CAPN15: variants seen among roughly 807,000 people sequenced by gnomAD.
CAPN15 encodes calpain-15.
CAPN15 carries 53 observed loss-of-function variants against 97.9 expected under a neutral mutation model. The ratio of observed to expected loss-of-function variants is 0.54; its 90% CI spans 0.43 to 0.68. The LOEUF is 0.68. Among genes scored for constraint, CAPN15 ranks in the 30% least tolerant of loss-of-function variants. The pLI is 0.00. For synonymous variants in CAPN15, 922 were observed against 722.5 expected (o/e 1.28, Z -4.43); for missense variants, 1,592 against 1,589.8 (o/e 1.00, Z -0.02).
At chr16:550,880 TGTCGGTGAGGTCCCTG>T (rs2034983423) in intron 7 of CAPN15, among the ~76,000 whole-genome samples, 3 of 56,364 alleles carry the variant, frequency 5.3e-5, no homozygotes, top group African/African-American at 9.3e-5. Flanking sequence ...GAGGGTCCCC[TGTCGGTGAGGTCCCTG>T]GTCGGTGAGG....
Position 548,081 on chromosome 16 carries a change from C to A in CAPN15, c.1243C>A (p.Gln415Lys). The change falls in exon 4 of 14, where the codon CAG becomes AAG. Residue 415 changes from glutamine (Q) to lysine (K), a missense_variant. Gln to Lys is a moderately conservative substitution (Grantham distance 53). Transcript: ENST00000219611. ...AARVLPERPG[Q>K]WACPACTLLN... is the part of the protein sequence containing the mutation. ...CCGCGTCCTGCCCGAGCGCCCGGGC[C>A]AGTGGGCCTGCCCTGCCTGTACCCT... is the stretch of plus-strand genomic sequence containing the variant. 6.5e-7 allele frequency: 1 copy of A among 1,539,132 alleles called. No individual in the cohort carries two copies. Among genetic ancestry groups the A allele is most frequent in the Non-Finnish European group, 8.7e-7 (1 of 1,142,878 alleles).
chr16:540,340 C>T, intron 3 of CAPN15: 1 of 985,532 alleles, frequency 1.0e-6, no homozygotes, highest in Non-Finnish European at 1.2e-6. Flanking sequence ...GGTCAGCCGG[C>T]AGCACCAGCC....
chr16:549,099 A>G lies in CAPN15; in HGVS notation c.1556A>G (p.Gln519Arg), dbSNP rs1167367861. ...CGTGTGAGGCAGTGGCTGCGACCCC[A>G]GGAGATCAACTGCTCCGTCTTCAGG... ...QQRVRQWLRPQEINCSVFRDH... is the reference protein window; with the variant it reads ...QQRVRQWLRPREINCSVFRDH... Residue 519 changes from glutamine to arginine, a missense_variant, in exon 5 of 14, where the codon CAG becomes CGG. This residue lies in a region of CAPN15 where 883 missense variants were observed against 776.6 expected (regional missense o/e 1.14). Coordinates refer to ENST00000219611, the MANE Select transcript of CAPN15 (RefSeq NM_005632.3). 1 of 1,612,528 alleles carries G rather than the reference A, an allele frequency of 6.2e-7. No individual in the cohort carries two copies. The highest frequency in any genetic ancestry group is 8.5e-7 in the Non-Finnish European group (1 of 1,179,932).
intron 3 of CAPN15, among the ~76,000 whole-genome samples, chr16:543,000 A>T (rs143118566): frequency 6.6e-6 from 1 of 152,012 alleles, no homozygotes; most frequent in Non-Finnish European, 1.5e-5. Flanking sequence ...GCAGTGAGCC[A>T]AGATTGCACC....
rs62034764 is a variant in CAPN15 at position 552,040 on chromosome 16, G to A, written c.2346-11G>A. The A allele has an allele frequency of 4.5e-5, 69 of 1,547,102 alleles. No homozygotes were observed. The highest frequency in any genetic ancestry group is 6.0e-5 in the South Asian group (5 of 83,892). ...GGTAGGCTCAGGGCCCCGTCCTCCC[G>A]CCACCTGCAGGTACTTCGACTCCGT... On this transcript the variant is annotated splice_polypyrimidine_tract_variant and intron_variant, in intron 9 of 13. Coordinates refer to ENST00000219611, the MANE Select transcript of CAPN15 (RefSeq NM_005632.3). This position sits in a 1 kb window ranked among gnomAD's most constrained non-coding sequence, Gnocchi z 6.4.
intron 3 of CAPN15, chr16:537,628 G>T (rs766019383): frequency 9.8e-5 from 18 of 183,952 alleles, no homozygotes; most frequent in Non-Finnish European, 1.9e-4. Flanking sequence ...ACCCGCTCAG[G>T]GTTTGGCTAC....
chr16:549,052 C>T lies in CAPN15; in HGVS notation c.1509C>T (p.Pro503=), dbSNP rs144566684. The T allele has an allele frequency of 5.4e-5, 87 of 1,612,648 alleles. No individual in the cohort carries two copies. Among genetic ancestry groups the T allele is most frequent in the African/African-American group, 2.5e-4 (19 of 74,926 alleles). The change falls in exon 5 of 14, where the codon CCC becomes CCT. Residue 503 remains proline, a synonymous_variant. Transcript: ENST00000219611. ...CCGGGCCCGAGTCTGTCGGCTTCCC[C>T]GCGGGTGACAGCGTGCAGCAGCGTG... The part of the protein sequence containing the change: ...FPPGPESVGF[P]AGDSVQQRVR...
At position 534,027 on chromosome 16, in the gene CAPN15, G is replaced by A. The variant is rs868459573; in HGVS notation, c.-137+29G>A. 1.8e-4 allele frequency: 180 copies of A among 977,794 alleles called. 1 individual carries two copies. The Middle Eastern group carries it at 3.7e-3, about 20-fold the overall frequency. 60.6% of individuals were successfully genotyped at this position (977,794 alleles called of 1,614,324 possible). ...AGTTTGTTCCCAAGCCCTGCGGCTC[G>A]TTTATGGGTTTGCTTGCGCTGCAGA... is the stretch of plus-strand genomic sequence containing the variant. On this transcript the variant is annotated intron_variant, in intron 2 of 13. Coordinates refer to ENST00000219611, the MANE Select transcript of CAPN15 (RefSeq NM_005632.3).
chr16:549,567 G>A, intron 6 of CAPN15, 48 bp from the exon 7 acceptor site: 1 of 721,618 alleles, frequency 1.4e-6, no homozygotes, highest in East Asian at 6.6e-5. Flanking sequence ...CCCAGGGCGG[G>A]TAGTGTGGGG....
Position 533,797 on chromosome 16 carries a change from C to T in CAPN15, c.-189-149C>T, listed in dbSNP as rs58092353. 500 of 204,084 alleles carry T rather than the reference C, an allele frequency of 2.4e-3. 2 individuals carry two copies. The highest frequency in any genetic ancestry group is 0.013 in the Middle Eastern group (5 of 396). The allele number at this position is 204,084 out of a possible 1,614,324, so 12.6% of individuals were successfully genotyped here. A position where few individuals can be genotyped will look rare whatever the true frequency, so the allele number is the denominator to read the frequency against. On this transcript the variant is annotated intron_variant, in intron 1 of 13. Transcript: ENST00000219611. ...GGACAGACACCCAAGGACAGAAGCT[C>T]GGACAGCTTCTAAGGCGAAGGGTCT...
chr16:553,138 G>C, intron 13 of CAPN15, 97 bp downstream of exon 13: 1 of 450,404 alleles, frequency 2.2e-6, no homozygotes, highest in South Asian at 2.3e-5. Context: ...CCCCTGCACA[G>C]GTGCCCCCTC....
In CAPN15 at chr16:542,934, C is replaced by G. The variant is rs1353863810; in HGVS notation, c.-22-3883C>G. 2.0e-5 allele frequency among the ~76,000 whole-genome samples: 3 copies of G among 152,138 alleles called. No homozygotes were observed. In the East Asian group the frequency reaches 5.8e-4, roughly 29 times the overall value. ...GGCGTGGTGACGGGCACCTATAATCCTAGCTACTAGGGAGGCTGAAGCAGG... is the reference window on the plus strand; with the variant it reads ...GGCGTGGTGACGGGCACCTATAATCGTAGCTACTAGGGAGGCTGAAGCAGG... On this transcript the variant is annotated intron_variant, in intron 3 of 13. Transcript: ENST00000219611.
intron 7 of CAPN15, among the ~76,000 whole-genome samples, chr16:551,072 T>G (rs74619213): frequency 0.2 from 1,833 of 8,960 alleles, 3 homozygotes; most frequent in Non-Finnish European, 0.22. Context: ...GTCGGTGAGG[T>G]CCCCGGTCGG....
At chr16:550,957 G>GT (rs1188787316) in intron 7 of CAPN15, among the ~76,000 whole-genome samples, 13 of 119,134 alleles carry the variant, frequency 1.1e-4, no homozygotes, top group African/African-American at 3.8e-4. Flanking sequence ...GTCTGTGAGG[G>GT]CCCCGGTCGG....
intron 4 of CAPN15, 100 bp downstream of exon 4, chr16:548,387 CA>C: frequency 8.2e-6 from 10 of 1,213,876 alleles, no homozygotes; most frequent in Non-Finnish European, 1.1e-5. Context: ...GAGGAGCCCA[CA>C]AGGCCTAAGA....
Position 547,602 on chromosome 16 carries a change from T to C in CAPN15, c.764T>C (p.Leu255Pro), listed in dbSNP as rs2034685225. 6.4e-7 allele frequency: 1 copy of C among 1,574,160 alleles called. No homozygotes were observed. The highest frequency in any genetic ancestry group is 2.3e-5 in the East Asian group (1 of 44,172). ...PRSRREVPPQ[L>P]QPPVPEAAQP... ...AGCCGACGCGAGGTTCCCCCCCAGC[T>C]GCAGCCACCGGTGCCTGAGGCTGCC... Residue 255 changes from leucine to proline, a missense_variant, in exon 4 of 14, where the codon CTG becomes CCG. This residue lies in a region of CAPN15 where 883 missense variants were observed against 776.6 expected (regional missense o/e 1.14). Transcript: ENST00000219611.
rs1288834071 is a variant in CAPN15 at position 549,140 on chromosome 16, T to C, written c.1597T>C (p.Trp533Arg). Residue 533 changes from tryptophan (W) to arginine (R), a missense_variant, in exon 5 of 14, where the codon TGG becomes CGG. Transcript: ENST00000219611. ...CGTCTTCAGGGACCACAGGGCCACG[T>C]GGTCTGTGTTCCACACACTGCGGCC... ...CSVFRDHRAT[W>R]SVFHTLRPSD... The C allele has an allele frequency of 6.2e-7, 1 of 1,611,222 alleles. No homozygotes were observed. Among genetic ancestry groups the C allele is most frequent in the African/African-American group, 1.3e-5 (1 of 74,740 alleles).
intron 1 of CAPN15, 38 bp from the exon 2 acceptor site, chr16:533,908 G>A (rs1009535076): frequency 3.1e-6 from 3 of 975,460 alleles, no homozygotes; most frequent in Non-Finnish European, 3.7e-6. Context: ...TCCTCCTGGT[G>A]GAAGCTGAGG....
In CAPN15 at chr16:547,034, G is replaced by T; in HGVS notation, c.196G>T (p.Val66Leu). 1 of 1,609,242 alleles carries T rather than the reference G, an allele frequency of 6.2e-7. No homozygotes were observed. The highest frequency in any genetic ancestry group is 8.5e-7 in the Non-Finnish European group (1 of 1,179,522). ...RNFLGKEACEVCGFTPEPAPG... is the reference protein window; with the variant it reads ...RNFLGKEACELCGFTPEPAPG... ...CTTCCTGGGCAAGGAGGCCTGCGAG[G>T]TGTGCGGCTTCACCCCGGAGCCTGC... The change falls in exon 4 of 14, where the codon GTG becomes TTG. Residue 66 changes from valine (V) to leucine (L), a missense_variant. This residue lies in a region of CAPN15 where 883 missense variants were observed against 776.6 expected (regional missense o/e 1.14). Transcript: ENST00000219611.
Sources: gnomAD v4.1 joint callset for allele counts (sites outside exome capture counted in the v4.1 genomes callset) on GRCh38, gnomAD v4.1.1 for gene constraint, gnomAD v4.1.1 regional missense constraint, Gnocchi (gnomAD v3.1) non-coding constraint, MANE v1.5 for transcripts, NCBI Gene and HGNC (gene_info 2026-07-23, HGNC 2026-07-21) for gene names.